GABARAP: variants seen among roughly 807,000 people sequenced by gnomAD.
The protein encoded by GABARAP is gamma-aminobutyric acid receptor-associated protein.
GABARAP carries 5 observed loss-of-function variants against 16.7 expected under a neutral mutation model. The ratio of observed to expected loss-of-function variants is 0.30; its 90% CI spans 0.16 to 0.63. The LOEUF is 0.63. GABARAP is among the 20% of genes least tolerant of loss of function. The pLI is 0.82. For missense variants in GABARAP, 84 were observed against 146.6 expected (o/e 0.57, Z 2.21); for synonymous variants, 45 against 52.7 (o/e 0.85, Z 0.64).
intron 3 of GABARAP, 63 bp from the exon 4 acceptor site, chr17:7,240,982 C>T: frequency 9.6e-7 from 1 of 1,036,644 alleles, no homozygotes; most frequent in Non-Finnish European, 1.5e-6. Context: ...AACCACGACC[C>T]AGACACGTTC....
In GABARAP at chr17:7,242,377, G is replaced by A. The variant is rs1221866126; in HGVS notation, c.-47C>T. On this transcript the variant is annotated 5_prime_UTR_variant, in exon 1 of 4. Transcript: ENST00000302386. The stretch of plus-strand genomic sequence containing the variant: ...CAGGGCTGGGCTGAGGGAACCCAGG[G>A]GGGCCGGGACGGGGGGCGGCGACGA... 1.4e-6 allele frequency: 2 copies of A among 1,460,154 alleles called. No homozygotes were observed. Among genetic ancestry groups the A allele is most frequent in the Admixed American group, 1.7e-5 (1 of 57,506 alleles). 90.4% of individuals were successfully genotyped at this position (1,460,154 alleles called of 1,614,324 possible). A position where few individuals can be genotyped will look rare whatever the true frequency, so the allele number is the denominator to read the frequency against.
At chr17:7,241,222 A>G (rs569329572) in intron 3 of GABARAP, 120 bp downstream of exon 3, 1 of 728,804 alleles carries the variant, frequency 1.4e-6, no homozygotes, top group East Asian at 2.4e-5. Flanking sequence ...CACGGCTATT[A>G]TGAAACTTTA....
At chr17:7,242,175 A>C in intron 1 of GABARAP, 66 bp downstream of exon 1, 1 of 1,151,756 alleles carries the variant, frequency 8.7e-7, no homozygotes, top group Non-Finnish European at 1.3e-6. Flanking sequence ...GCCTGTCCCG[A>C]TCCAAGGCCA....
intron 1 of GABARAP, chr17:7,242,005 A>G (rs1040788571): frequency 5.0e-6 from 3 of 596,862 alleles, no homozygotes; most frequent in Non-Finnish European, 8.9e-6. Context: ...CAGGCTGTCA[A>G]ACTCTCTAAG....
intron 1 of GABARAP, 118 bp from the exon 2 acceptor site, chr17:7,241,797 C>G: frequency 1.3e-6 from 1 of 746,866 alleles, no homozygotes; most frequent in Non-Finnish European, 2.4e-6. Flanking sequence ...ATCTCTTTGT[C>G]TTTGTACACG....
At chr17:7,241,495 G>T in intron 2 of GABARAP, 35 bp from the exon 3 acceptor site, 1 of 1,352,748 alleles carries the variant, frequency 7.4e-7, no homozygotes, top group Non-Finnish European at 1.1e-6. Context: ...AAGTCACAGA[G>T]GTCAAAAATG....
intron 1 of GABARAP, 161 bp downstream of exon 1, chr17:7,242,080 C>G: frequency 1.6e-6 from 1 of 627,952 alleles, no homozygotes; most frequent in Admixed American, 2.7e-5. Flanking sequence ...CACCACTACC[C>G]CACTCCTTTC....
Position 7,240,644 on chromosome 17 carries a change from AG to A in GABARAP, c.*209del. The A allele has an allele frequency of 1.9e-6, 1 of 539,246 alleles. No individual in the cohort carries two copies. Among genetic ancestry groups the A allele is most frequent in the Non-Finnish European group, 3.3e-6 (1 of 301,952 alleles). The allele number at this position is 539,246 out of a possible 1,614,324, so 33.4% of individuals were successfully genotyped here. A position where few individuals can be genotyped will look rare whatever the true frequency, so the allele number is the denominator to read the frequency against. On this transcript the variant is annotated 3_prime_UTR_variant, in exon 4 of 4. Transcript: ENST00000302386. ...CAGGATGGGAAAGGCGGGCAGAGAAAGGGGAAGAAAGGAGAAAGGAGAGTTA... is the reference window on the plus strand; with the variant it reads ...CAGGATGGGAAAGGCGGGCAGAGAAAGGGAAGAAAGGAGAAAGGAGAGTTA...
intron 1 of GABARAP, chr17:7,241,910 TAATC>T (rs3214155): frequency 0.37 from 222,494 of 595,548 alleles, 44,063 homozygotes; most frequent in East Asian, 0.64. Context: ...ACAACTATCT[TAATC>T]AGACGGAGGT....
At chr17:7,241,525 T>G in intron 2 of GABARAP, 65 bp from the exon 3 acceptor site, 3 of 1,310,906 alleles carry the variant, frequency 2.3e-6, no homozygotes, top group South Asian at 2.3e-5. Flanking sequence ...GAACAGCTGC[T>G]AGGTGGAGCC....
intron 1 of GABARAP, 76 bp from the exon 2 acceptor site, chr17:7,241,755 A>G: frequency 1.1e-6 from 1 of 907,212 alleles, no homozygotes; most frequent in Non-Finnish European, 1.9e-6. Flanking sequence ...TCAAGAAACA[A>G]TATTCCTAGC....
In GABARAP at chr17:7,242,247, C is replaced by G. The variant is rs2142997813; in HGVS notation, c.84G>C (p.Arg28=). Residue 28 remains arginine, a synonymous_variant, in exon 1 of 4, where the codon CGG becomes CGC. Transcript: ENST00000302386. The part of the protein sequence containing the change: ...GEKIRKKYPD[R]VPVIVEKAPK... ...CCCTGGCTACTGTCCTCACCGGCACCCGGTCCGGGTATTTCTTTCGGATCT... is the reference window on the plus strand; with the variant it reads ...CCCTGGCTACTGTCCTCACCGGCACGCGGTCCGGGTATTTCTTTCGGATCT... The G allele has an allele frequency of 6.2e-7, 1 of 1,612,870 alleles. No individual in the cohort carries two copies. The highest frequency in any genetic ancestry group is 8.5e-7 in the Non-Finnish European group (1 of 1,179,042).
intron 1 of GABARAP, chr17:7,242,015 G>A (rs1374772933): frequency 1.5e-5 from 9 of 599,658 alleles, no homozygotes; most frequent in Non-Finnish European, 2.7e-5. Flanking sequence ...AACTCTCTAA[G>A]GCCTCAAATG....
rs1044481722 is a variant in GABARAP at position 7,240,583 on chromosome 17, G to A, written c.*271C>T. 2 of 375,094 alleles carry A rather than the reference G, an allele frequency of 5.3e-6. No homozygotes were observed. Among genetic ancestry groups the A allele is most frequent in the Admixed American group, 4.4e-5 (1 of 22,706 alleles). 23.2% of individuals were successfully genotyped at this position (375,094 alleles called of 1,614,324 possible). A position where few individuals can be genotyped will look rare whatever the true frequency, so the allele number is the denominator to read the frequency against. On this transcript the variant is annotated 3_prime_UTR_variant, in exon 4 of 4. Coordinates refer to ENST00000302386, the MANE Select transcript of GABARAP (RefSeq NM_007278.2). ...GGGAACAGAAACCAAAACAATCACT[G>A]GATGTGACACAGACTGACAATCAAG...
chr17:7,240,760 T>C lies in GABARAP; in HGVS notation c.*94A>G. The C allele has an allele frequency of 1.3e-6, 1 of 788,788 alleles. No homozygotes were observed. The highest frequency in any genetic ancestry group is 2.2e-6 in the Non-Finnish European group (1 of 446,152). 48.9% of individuals were successfully genotyped at this position (788,788 alleles called of 1,614,324 possible). On this transcript the variant is annotated 3_prime_UTR_variant, in exon 4 of 4. Coordinates refer to ENST00000302386, the MANE Select transcript of GABARAP (RefSeq NM_007278.2). ...AAGTGCCGGTCCTGAATAAGGGAGG[T>C]GGTGTTTGAGCTTGAAGGAGGAGGA...
chr17:7,241,144 A>C, intron 3 of GABARAP, 198 bp downstream of exon 3: 2 of 680,704 alleles, frequency 2.9e-6, no homozygotes. Context: ...TCCCGAACAG[A>C]TAGTTTCTCT....
chr17:7,240,332 C>T lies in GABARAP; in HGVS notation c.*522G>A, dbSNP rs560014441. 1 of 156,874 alleles carries T rather than the reference C, an allele frequency of 6.4e-6. No individual in the cohort carries two copies. The highest frequency in any genetic ancestry group is 1.7e-4 in the South Asian group (1 of 6,002). The allele number at this position is 156,874 out of a possible 1,614,324, so 9.7% of individuals were successfully genotyped here. ...ATCCCTCCAGCTTGTACCCAGTACT[C>T]TTCTTTCCCCACCACTGAAACCCAC... On this transcript the variant is annotated 3_prime_UTR_variant, in exon 4 of 4. Transcript: ENST00000302386.
At position 7,240,857 on chromosome 17, in the gene GABARAP, C is replaced by G; in HGVS notation, c.351G>C (p.Leu117=). ...IAYSDESVYG[L] ...CTCCAGCTCAGGGGCAGCAGCTTCA[C>G]AGACCGTAGACACTTTCGTCACTGT... Residue 117 remains leucine, a synonymous_variant, in exon 4 of 4, where the codon CTG becomes CTC. Transcript: ENST00000302386. 6.2e-7 allele frequency: 1 copy of G among 1,609,044 alleles called. No homozygotes were observed.
intron 3 of GABARAP, 174 bp downstream of exon 3, chr17:7,241,168 C>T (rs2071774106): frequency 2.9e-6 from 2 of 682,920 alleles, no homozygotes; most frequent in South Asian, 3.4e-5. Flanking sequence ...TCACTGTTCT[C>T]TTTCCTTCTC....
Sources: gnomAD v4.1 joint callset for allele counts on GRCh38, gnomAD v4.1.1 for gene constraint, MANE v1.5 for transcripts, NCBI Gene and HGNC (gene_info 2026-07-23, HGNC 2026-07-21) for gene names.